Variants in FBXL17 observed in about 807,000 individuals in gnomAD.
The protein encoded by FBXL17 is F-box/LRR-repeat protein 17.
A neutral mutation model predicts 66.2 loss-of-function variants in FBXL17; 22 were observed. The observed-to-expected ratio is 0.33, with a 90% CI of 0.24 to 0.47. The LOEUF is 0.47. Among genes scored for constraint, FBXL17 ranks in the 20% least tolerant of loss-of-function variants. The pLI, the probability that FBXL17 is intolerant of heterozygous loss-of-function variation, is 1.00. For synonymous variants in FBXL17, 474 were observed against 400.5 expected, an observed-to-expected ratio of 1.18 and a Z score of -2.19; for missense variants, 878 against 948.2, an observed-to-expected ratio of 0.93 and a Z score of 0.97.
chr5:108,126,323 T>C, intron 6 of FBXL17, among the ~76,000 whole-genome samples: 1 of 152,118 alleles, frequency 6.6e-6, no homozygotes, highest in East Asian at 1.9e-4. Flanking sequence ...TAGGTGAAAC[T>C]AGATCAGGTT....
chr5:108,380,176 G>C (rs1295402350), intron 1 of FBXL17, among the ~76,000 whole-genome samples: 1 of 152,062 alleles, frequency 6.6e-6, no homozygotes, highest in Non-Finnish European at 1.5e-5. Context: ...ATAAAATAAA[G>C]ATATTAACAG....
chr5:107,992,778 T>A (rs1753305275), intron 7 of FBXL17, among the ~76,000 whole-genome samples: 1 of 152,218 alleles, frequency 6.6e-6, no homozygotes, highest in Admixed American at 6.5e-5. Flanking sequence ...CTTCCCTTAT[T>A]CTGTGGATAC....
chr5:108,234,600 G>A (rs1229051414), intron 4 of FBXL17, among the ~76,000 whole-genome samples: 1 of 152,158 alleles, frequency 6.6e-6, no homozygotes, highest in Non-Finnish European at 1.5e-5. Flanking sequence ...AGATATCAAG[G>A]CACAATGGGT....
At chr5:108,055,280 G>GAA (rs1000211060) in intron 6 of FBXL17, among the ~76,000 whole-genome samples, 455 of 23,688 alleles carry the variant, frequency 0.019, 69 homozygotes, top group Non-Finnish European at 0.023. Context: ...AGAATTTTTA[G>GAA]AAAAAAAAAA....
At chr5:108,318,478 C>T (rs887530147) in intron 4 of FBXL17, among the ~76,000 whole-genome samples, 1 of 151,776 alleles carries the variant, frequency 6.6e-6, no homozygotes, top group South Asian at 2.1e-4. Context: ...AGTTCCTCAA[C>T]AACCAATATA....
intron 7 of FBXL17, among the ~76,000 whole-genome samples, chr5:107,969,699 A>G (rs1433321851): frequency 6.6e-6 from 1 of 152,166 alleles, no homozygotes. Flanking sequence ...GATATTAGAC[A>G]AGGGAATTGG....
intron 7 of FBXL17, among the ~76,000 whole-genome samples, chr5:107,926,532 G>T (rs1443053746): frequency 6.6e-6 from 1 of 151,452 alleles, no homozygotes; most frequent in Admixed American, 6.6e-5. Flanking sequence ...TGTGTATGGT[G>T]AGAATATTCT....
chr5:108,125,773 G>A (rs1750673647), intron 6 of FBXL17, among the ~76,000 whole-genome samples: 1 of 151,950 alleles, frequency 6.6e-6, no homozygotes, highest in African/African-American at 2.4e-5. Context: ...TTTTTAAGCT[G>A]GATGTGTTTA....
At chr5:108,131,234 G>A (rs530961400) in intron 6 of FBXL17, among the ~76,000 whole-genome samples, 1 of 151,988 alleles carries the variant, frequency 6.6e-6, no homozygotes, top group Non-Finnish European at 1.5e-5. Context: ...CTTAATAAAC[G>A]TGTTTCCTTG....
At chr5:108,111,539 C>G (rs956175655) in intron 6 of FBXL17, among the ~76,000 whole-genome samples, 2 of 152,170 alleles carry the variant, frequency 1.3e-5, no homozygotes, top group Non-Finnish European at 2.9e-5. Flanking sequence ...AAATTAGCTA[C>G]ACTATCATTC....
intron 7 of FBXL17, among the ~76,000 whole-genome samples, chr5:108,006,868 C>A (rs1753946283): frequency 6.6e-6 from 1 of 152,190 alleles, no homozygotes; most frequent in Admixed American, 6.5e-5. Flanking sequence ...GAGAAATATG[C>A]TATTGCTGTA....
At chr5:107,956,056 T>C (rs1227079351) in intron 7 of FBXL17, among the ~76,000 whole-genome samples, 3 of 152,186 alleles carry the variant, frequency 2.0e-5, no homozygotes, top group African/African-American at 7.2e-5. Flanking sequence ...ATCTTATCAA[T>C]GGCAAAGGGG....
intron 7 of FBXL17, among the ~76,000 whole-genome samples, chr5:107,889,758 A>AAGC (rs909185012): frequency 7.2e-5 from 11 of 152,196 alleles, no homozygotes; most frequent in African/African-American, 2.4e-4. Context: ...CAAATGTCTT[A>AAGC]AGCAGCAGCA....
chr5:107,969,678 C>T (rs1169618411), intron 7 of FBXL17, among the ~76,000 whole-genome samples: 1 of 152,132 alleles, frequency 6.6e-6, no homozygotes, highest in African/African-American at 2.4e-5. Flanking sequence ...ACTGAGCACA[C>T]TGGAAACACT....
At position 107,881,929 on chromosome 5, in the gene FBXL17, A is replaced by G. The variant is rs535407932; in HGVS notation, c.1823-750T>C. ...CCACTAAAGTGCAGACACTTATCCCATAATCTATGATGTGCACTACTAATC... is the reference window on the plus strand; with the variant it reads ...CCACTAAAGTGCAGACACTTATCCCGTAATCTATGATGTGCACTACTAATC... On this transcript the variant is annotated intron_variant, in intron 7 of 8. Transcript: ENST00000542267. 2.2e-4 allele frequency among the ~76,000 whole-genome samples: 33 copies of G among 152,294 alleles called. No homozygotes were observed. The South Asian group carries it at 4.8e-3, about 22-fold the overall frequency.
intron 5 of FBXL17, among the ~76,000 whole-genome samples, chr5:108,217,618 C>T (rs896368224): frequency 6.6e-6 from 1 of 152,046 alleles, no homozygotes; most frequent in African/African-American, 2.4e-5. Flanking sequence ...TTCAAGTATA[C>T]AATATAGTTA....
At chr5:108,186,396 T>G (rs1753233546) in intron 5 of FBXL17, 149 bp from the exon 6 acceptor site, 1 of 609,056 alleles carries the variant, frequency 1.6e-6, no homozygotes. Context: ...ATATTGTATA[T>G]GTAATATTTT....
chr5:108,127,370 T>C (rs775012433), intron 6 of FBXL17, among the ~76,000 whole-genome samples: 4 of 152,134 alleles, frequency 2.6e-5, no homozygotes, highest in Admixed American at 6.5e-5. Flanking sequence ...AAGAAAACAG[T>C]GTAGAAAAGC....
intron 6 of FBXL17, among the ~76,000 whole-genome samples, chr5:108,093,970 T>C (rs1418646806): frequency 6.6e-6 from 1 of 152,178 alleles, no homozygotes; most frequent in Non-Finnish European, 1.5e-5. Context: ...ATTTTAGACG[T>C]CTGTATTCAC....
Sources: allele counts gnomAD v4.1 joint callset (sites outside exome capture counted in the v4.1 genomes callset), GRCh38; gene constraint gnomAD v4.1.1; transcripts MANE v1.5; gene names NCBI Gene and HGNC (gene_info 2026-07-23, HGNC 2026-07-21).